Variants in SLC35A5 observed in about 807,000 individuals in gnomAD.
SLC35A5 encodes solute carrier family 35 member A5, also known as UDP-sugar transporter protein SLC35A5.
A neutral mutation model predicts 36.3 loss-of-function variants in SLC35A5; 28 were observed. The ratio of observed to expected loss-of-function variants is 0.77; its 90% CI spans 0.57 to 1.06. The LOEUF is 1.06. SLC35A5 is among the 50% of genes least tolerant of loss of function. The probability of loss-of-function intolerance (pLI) is 0.00; values close to 1 mark genes in which losing one functional copy is unlikely to be tolerated. For synonymous variants in SLC35A5, 180 were observed against 173.7 expected, an observed-to-expected ratio of 1.04 and a Z score of -0.29; for missense variants, 521 against 499.3, an observed-to-expected ratio of 1.04 and a Z score of -0.41.
At chr3:112,581,396 A>T (rs2107449825) in intron 6 of SLC35A5, 70 bp downstream of exon 6, 1 of 1,444,896 alleles carries the variant, frequency 6.9e-7, no homozygotes, top group East Asian at 2.3e-5. Flanking sequence ...TCAAGGAAAA[A>T]AATAAAATCA....
chr3:112,576,142 G>A (rs1576756682), intron 5 of SLC35A5, among the ~76,000 whole-genome samples: 1 of 150,210 alleles, frequency 6.7e-6, no homozygotes, highest in Non-Finnish European at 1.5e-5. Context: ...TTGGCAGTGG[G>A]GGTGGGTACG....
Position 112,570,629 on chromosome 3 carries a change from GA to G in SLC35A5, c.320del (p.Asp107ValfsTer3). 6.2e-7 allele frequency: 1 copy of G among 1,611,494 alleles called. No homozygotes were observed. The highest frequency in any genetic ancestry group is 8.5e-7 in the Non-Finnish European group (1 of 1,178,826). ...CATTCCTGCCTTTCTTTATTTCCTG[GA>G]TAACTTGATTGTCTTCTATGTCCTG... ...WSIPAFLYFL[D>X]NLIVFYVLSY... On this transcript the variant is annotated frameshift_variant, in exon 4 of 7. Coordinates refer to ENST00000492406, the MANE Select transcript of SLC35A5 (RefSeq NM_017945.5). LOFTEE classifies it high-confidence loss of function.
intron 2 of SLC35A5, among the ~76,000 whole-genome samples, chr3:112,565,485 TTAA>T (rs1324976086): frequency 6.6e-6 from 1 of 152,116 alleles, no homozygotes; most frequent in Non-Finnish European, 1.5e-5. Flanking sequence ...AGCAAAAAGT[TTAA>T]GGACTCGTAG....
chr3:112,583,049 T>A lies in SLC35A5; in HGVS notation c.*313T>A. The A allele has an allele frequency of 2.2e-6, 1 of 446,204 alleles. No homozygotes were observed. Among genetic ancestry groups the A allele is most frequent in the Admixed American group, 4.0e-5 (1 of 25,136 alleles). 27.6% of individuals were successfully genotyped at this position (446,204 alleles called of 1,614,324 possible). On this transcript the variant is annotated 3_prime_UTR_variant, in exon 7 of 7. Transcript: ENST00000492406. ...TTCCAAAAAACTTGTAATAATCATG[T>A]TAGCTATAGCTTGTATATACACATA...
chr3:112,571,196 A>G (rs191997013), intron 4 of SLC35A5, among the ~76,000 whole-genome samples: 25 of 152,350 alleles, frequency 1.6e-4, no homozygotes, highest in Admixed American at 1.4e-3. Context: ...TAGAAATGCC[A>G]TCTATAACTG....
chr3:112,567,235 AAAACAAAAACAGAC>A (rs746927638), intron 2 of SLC35A5, among the ~76,000 whole-genome samples: 47 of 150,686 alleles, frequency 3.1e-4, no homozygotes, highest in Admixed American at 6.7e-4. Context: ...CAAAAAACAA[AAAACAAAAACAGAC>A]AAACAAACAA....
rs778070851 is a variant in SLC35A5, at chr3:112,570,646, C to T, written c.336C>T (p.Phe112=). ...FLYFLDNLIV[F]YVLSYLQPAM... is the part of the protein sequence containing the mutation. ...ATTTCCTGGATAACTTGATTGTCTTCTATGTCCTGTCCTATCTTCAACCAG... is the reference window on the plus strand; with the variant it reads ...ATTTCCTGGATAACTTGATTGTCTTTTATGTCCTGTCCTATCTTCAACCAG... Residue 112 remains phenylalanine (F), a synonymous_variant, in exon 4 of 7, where the codon TTC becomes TTT. Transcript: ENST00000492406. 1.2e-6 allele frequency: 2 copies of T among 1,610,814 alleles called. No individual in the cohort carries two copies. The highest frequency in any genetic ancestry group is 3.4e-5 in the Admixed American group (2 of 59,652).
chr3:112,576,525 G>C (rs1167678175), intron 5 of SLC35A5, among the ~76,000 whole-genome samples: 1 of 152,094 alleles, frequency 6.6e-6, no homozygotes, highest in East Asian at 1.9e-4. Context: ...GAAACTCTAA[G>C]TCCATTAAAC....
Position 112,583,428 on chromosome 3 carries a change from A to G in SLC35A5, c.*692A>G. The G allele has an allele frequency of 3.5e-6, 1 of 289,064 alleles. No individual in the cohort carries two copies. The highest frequency in any genetic ancestry group is 5.5e-5 in the East Asian group (1 of 18,216). The allele number at this position is 289,064 out of a possible 1,614,324, so 17.9% of individuals were successfully genotyped here. A position where few individuals can be genotyped will look rare whatever the true frequency, so the allele number is the denominator to read the frequency against. Reference sequence around the variant, plus strand: ...TGGTTCCCTAGTCACCATAGTTACCACTTGTATTTTAAGTCATTTAAACAA... The same window carrying G: ...TGGTTCCCTAGTCACCATAGTTACCGCTTGTATTTTAAGTCATTTAAACAA... On this transcript the variant is annotated 3_prime_UTR_variant, in exon 7 of 7. Coordinates refer to ENST00000492406, the MANE Select transcript of SLC35A5 (RefSeq NM_017945.5).
chr3:112,573,866 C>T (rs1358098543), intron 4 of SLC35A5, 23 bp from the exon 5 acceptor site: 3 of 1,594,602 alleles, frequency 1.9e-6, no homozygotes, highest in Admixed American at 1.7e-5. Flanking sequence ...TGGATTGTAA[C>T]TCTATCTTCT....
chr3:112,572,480 C>T (rs1934491474), intron 4 of SLC35A5, among the ~76,000 whole-genome samples: 1 of 152,030 alleles, frequency 6.6e-6, no homozygotes, highest in Admixed American at 6.6e-5. Flanking sequence ...AATTGCTGTC[C>T]CCAACAAAAT....
chr3:112,569,452 C>G (rs1404017754), intron 3 of SLC35A5, among the ~76,000 whole-genome samples, 183 bp downstream of exon 3: 1 of 152,188 alleles, frequency 6.6e-6, no homozygotes, highest in Non-Finnish European at 1.5e-5. Context: ...TAATGCAGAG[C>G]TGCATAGGAA....
rs112557162 is a variant in SLC35A5 at position 112,565,251 on chromosome 3, G to A, written c.130+1718G>A. On this transcript the variant is annotated intron_variant, in intron 2 of 6. Coordinates refer to ENST00000492406, the MANE Select transcript of SLC35A5 (RefSeq NM_017945.5). ...ATAACTGCAATAATTGATATATCCTGAAGATGCAGAGATTGTCTAGAGGAT... is the reference window on the plus strand; with the variant it reads ...ATAACTGCAATAATTGATATATCCTAAAGATGCAGAGATTGTCTAGAGGAT... Among the ~76,000 whole-genome samples, 210 of 152,272 alleles carry A rather than the reference G, an allele frequency of 1.4e-3. 1 individual carries two copies. Among genetic ancestry groups the A allele is most frequent in the African/African-American group, 4.8e-3 (199 of 41,542 alleles).
In SLC35A5 at chr3:112,563,512, G is replaced by C; in HGVS notation, c.109G>C (p.Val37Leu). 1 of 1,604,540 alleles carries C rather than the reference G, an allele frequency of 6.2e-7. No individual in the cohort carries two copies. The highest frequency in any genetic ancestry group is 1.3e-5 in the African/African-American group (1 of 74,920). The change falls in exon 2 of 7, where the codon GTG becomes CTG. Residue 37 changes from valine to leucine, a missense_variant. Physicochemically the swap from Val to Leu is conservative, Grantham distance 32 (BLOSUM62 1). Transcript: ENST00000492406. ...TTTAAGCTCAAGTCGCATCTTACTA[G>C]TGAAGTATTCTGCCAATGAAGGTAA... ...IALSSSRILL[V>L]KYSANEENKY...
At chr3:112,564,921 G>A (rs966176823) in intron 2 of SLC35A5, among the ~76,000 whole-genome samples, 1 of 152,204 alleles carries the variant, frequency 6.6e-6, no homozygotes, top group Admixed American at 6.5e-5. Flanking sequence ...TTGGGGGTAA[G>A]GTTACAGATT....
Position 112,570,836 on chromosome 3 carries a change from G to A in SLC35A5, c.360+166G>A, listed in dbSNP as rs146102370. ...TCTGAGTCCTGAATTATCAATATGC[G>A]TGCCAGGTTCTCTTAAATGGTCAAG... is the stretch of plus-strand genomic sequence containing the variant. On this transcript the variant is annotated intron_variant, in intron 4 of 6. Coordinates refer to ENST00000492406, the MANE Select transcript of SLC35A5 (RefSeq NM_017945.5). Among the ~76,000 whole-genome samples, 87 of 151,858 alleles carry A rather than the reference G, an allele frequency of 5.7e-4. 2 individuals are homozygous for A. In the East Asian group the frequency reaches 0.011, roughly 19 times the overall value.
intron 2 of SLC35A5, 49 bp downstream of exon 2, chr3:112,563,582 A>ATC (rs766921208): frequency 1.3e-6 from 2 of 1,493,434 alleles, no homozygotes; most frequent in South Asian, 1.3e-5. Context: ...CTAATCACAC[A>ATC]TCTCTCTCTT....
At chr3:112,567,289 G>A (rs1934239997) in intron 2 of SLC35A5, among the ~76,000 whole-genome samples, 1 of 151,930 alleles carries the variant, frequency 6.6e-6, no homozygotes, top group African/African-American at 2.4e-5. Flanking sequence ...AGGAAATGGA[G>A]CCAAGTATCT....
intron 2 of SLC35A5, among the ~76,000 whole-genome samples, chr3:112,566,681 C>T (rs1245934413): frequency 6.6e-6 from 1 of 152,080 alleles, no homozygotes. Context: ...AAAGGATACC[C>T]TTTAGAGTTA....
Sources: allele counts gnomAD v4.1 joint callset (sites outside exome capture counted in the v4.1 genomes callset), GRCh38; gene constraint gnomAD v4.1.1; transcripts MANE v1.5; gene names NCBI Gene and HGNC (gene_info 2026-07-23, HGNC 2026-07-21).